Variants in USP22 observed in about 807,000 individuals in gnomAD.
USP22 encodes ubiquitin specific peptidase 22.
USP22 carries 22 observed loss-of-function variants against 68.1 expected under a neutral mutation model. The ratio of observed to expected loss-of-function variants is 0.32; its 90% CI spans 0.23 to 0.46. USP22 has a LOEUF of 0.46. Among genes scored for constraint, USP22 ranks in the 20% least tolerant of loss-of-function variants. The pLI, the probability that USP22 is intolerant of heterozygous loss-of-function variation, is 1.00. For missense variants in USP22, 433 were observed against 695.8 expected (o/e 0.62, Z 4.25); for synonymous variants, 279 against 274.2 (o/e 1.02, Z -0.17).
intron 8 of USP22, 36 bp downstream of exon 8, chr17:21,011,115 A>G: frequency 6.5e-7 from 1 of 1,549,356 alleles, no homozygotes; most frequent in East Asian, 2.3e-5. Context: ...TCTGGCCAGG[A>G]GACACGCCCC....
chr17:21,013,845 C>T (rs1359017283), intron 6 of USP22, among the ~76,000 whole-genome samples: 2 of 152,210 alleles, frequency 1.3e-5, no homozygotes, highest in East Asian at 3.9e-4. Context: ...GAGGCCAAGG[C>T]GGGCGGATCA....
chr17:21,029,451 A>G lies in USP22; in HGVS notation c.172-777T>C, dbSNP rs188643813. Among the ~76,000 whole-genome samples, 541 of 152,378 alleles carry G rather than the reference A, an allele frequency of 3.6e-3. 1 individual carries two copies. Among genetic ancestry groups the G allele is most frequent in the Middle Eastern group, 0.01 (3 of 294 alleles). On this transcript the variant is annotated intron_variant, in intron 1 of 12. Coordinates refer to ENST00000261497, the MANE Select transcript of USP22 (RefSeq NM_015276.2). ...AAAAAGAAATTAATACTATACAAACACAAAGTCTTCTTCGCAGGAGAATTC... is the reference window on the plus strand; with the variant it reads ...AAAAAGAAATTAATACTATACAAACGCAAAGTCTTCTTCGCAGGAGAATTC...
At chr17:21,014,003 G>C (rs1914053432) in intron 6 of USP22, among the ~76,000 whole-genome samples, 1 of 152,244 alleles carries the variant, frequency 6.6e-6, no homozygotes. Flanking sequence ...GAACCTGGGA[G>C]GCGGAGGTTG....
intron 1 of USP22, 81 bp from the exon 2 acceptor site, chr17:21,028,755 C>T (rs1229699099): frequency 1.3e-6 from 2 of 1,502,464 alleles, no homozygotes; most frequent in Non-Finnish European, 1.8e-6. Context: ...CAAAGCATCC[C>T]CCCGAGACAG....
intron 1 of USP22, among the ~76,000 whole-genome samples, chr17:21,031,104 TGTAG>T (rs1390480988): frequency 6.6e-6 from 1 of 152,230 alleles, no homozygotes; most frequent in Non-Finnish European, 1.5e-5. Flanking sequence ...TGCTATTTGT[TGTAG>T]GTTTCTTATT....
At chr17:21,035,449 G>A (rs1340774662) in intron 1 of USP22, among the ~76,000 whole-genome samples, 1 of 151,802 alleles carries the variant, frequency 6.6e-6, no homozygotes, top group Non-Finnish European at 1.5e-5. Context: ...AGGTGATCAA[G>A]TCTGTGTGCT....
In USP22 at chr17:21,004,944, G is replaced by A. The variant is rs1913733268; in HGVS notation, c.1369C>T (p.Leu457Phe). Residue 457 changes from leucine to phenylalanine, a missense_variant, in exon 11 of 13, where the codon CTC (leucine) becomes TTC (phenylalanine). Around this residue, in one of 4 missense-constraint regions of USP22, gnomAD observed 178 missense variants for 351.5 expected, o/e 0.51. Coordinates refer to ENST00000261497, the MANE Select transcript of USP22 (RefSeq NM_015276.2). ...ACCACTTACTTGTTGTCATTGTTGA[G>A]ACTGTCCGTGGGCTGCTGGTACTGT... ...NGQYQQPTDS[L>F]NNDNKYSLFA... The A allele has an allele frequency of 6.2e-7, 1 of 1,614,216 alleles. No homozygotes were observed. The highest frequency in any genetic ancestry group is 8.5e-7 in the Non-Finnish European group (1 of 1,180,032).
At position 21,001,498 on chromosome 17, in the gene USP22, A is replaced by G. The variant is rs1196172344; in HGVS notation, c.*1533T>C. ...TTCTTGACACAGAACAATATATGTC[A>G]TTCAGATTTCTGTGTCTAAAAGTTG... On this transcript the variant is annotated 3_prime_UTR_variant, in exon 13 of 13. Transcript: ENST00000261497. The G allele has an allele frequency of 1.3e-5, 2 of 152,236 alleles. No individual in the cohort carries two copies. The highest frequency in any genetic ancestry group is 4.8e-5 in the African/African-American group (2 of 41,470). 9.4% of individuals were successfully genotyped at this position (152,236 alleles called of 1,614,324 possible).
intron 11 of USP22, 147 bp from the exon 12 acceptor site, chr17:21,004,498 G>C (rs1913711402): frequency 9.6e-7 from 1 of 1,044,330 alleles, no homozygotes. Context: ...ATGCACAGGA[G>C]GCTGCAGGAA....
intron 1 of USP22, among the ~76,000 whole-genome samples, chr17:21,037,247 C>T (rs187578363): frequency 1.3e-5 from 2 of 152,136 alleles, no homozygotes; most frequent in Non-Finnish European, 2.9e-5. Flanking sequence ...CATAAACGTT[C>T]CAAATAATTT....
chr17:21,006,887 C>T lies in USP22; in HGVS notation c.1322+9G>A. Reference sequence around the variant, plus strand: ...TCAGGACACAGAACGGGCCTACAACCCCACATACCTGGAGGCCATGAAAGG... The same window carrying T: ...TCAGGACACAGAACGGGCCTACAACTCCACATACCTGGAGGCCATGAAAGG... On this transcript the variant is annotated intron_variant, in intron 10 of 12. Coordinates refer to ENST00000261497, the MANE Select transcript of USP22 (RefSeq NM_015276.2). 1 of 1,595,974 alleles carries T rather than the reference C, an allele frequency of 6.3e-7. No homozygotes were observed. The highest frequency in any genetic ancestry group is 8.5e-7 in the Non-Finnish European group (1 of 1,170,900).
At chr17:21,031,330 A>G (rs973136293) in intron 1 of USP22, among the ~76,000 whole-genome samples, 21 of 152,254 alleles carry the variant, frequency 1.4e-4, no homozygotes, top group Admixed American at 1.2e-3. Context: ...AGTACACAGC[A>G]ATGAAAAGGA....
intron 1 of USP22, among the ~76,000 whole-genome samples, chr17:21,037,584 G>A (rs1206893245): frequency 6.6e-6 from 1 of 152,100 alleles, no homozygotes; most frequent in Non-Finnish European, 1.5e-5. Flanking sequence ...TACATGACCG[G>A]GACTCCTCAA....
chr17:21,006,841 T>G (rs1913797598), intron 10 of USP22, 55 bp downstream of exon 10: 1 of 1,433,300 alleles, frequency 7.0e-7, no homozygotes, highest in African/African-American at 1.4e-5. Flanking sequence ...TGGATTCCTG[T>G]CCTGATAGGA....
intron 1 of USP22, 148 bp from the exon 2 acceptor site, chr17:21,028,822 A>G: frequency 1.9e-6 from 2 of 1,044,146 alleles, no homozygotes; most frequent in Non-Finnish European, 2.7e-6. Flanking sequence ...CTAGAGGATC[A>G]GTTTAATCCT....
At chr17:21,040,453 AG>A (rs1412241094) in intron 1 of USP22, among the ~76,000 whole-genome samples, 2 of 152,246 alleles carry the variant, frequency 1.3e-5, no homozygotes, top group Non-Finnish European at 2.9e-5. Flanking sequence ...GCACTGCAGC[AG>A]CCCCCACCTA....
Position 21,011,155 on chromosome 17 carries a change from G to A in USP22, c.1099C>T (p.Arg367Ter), listed in dbSNP as rs751417464. Reference sequence around the variant, plus strand: ...GTGTGGGTGCAGGCCTCTCACCGTCGCAGGCAGTCCGTGAGCGTGGTGGTT... The same window carrying A: ...GTGTGGGTGCAGGCCTCTCACCGTCACAGGCAGTCCGTGAGCGTGGTGGTT... The part of the protein sequence containing the change: ...SGTTTLTDCL[R>*]RFTRPEHLGS... Residue 367 changes from arginine (R) to a stop codon, truncating the protein, a stop_gained, in exon 8 of 13, where the codon CGA (arginine) becomes TGA (stop). Coordinates refer to ENST00000261497, the MANE Select transcript of USP22 (RefSeq NM_015276.2). LOFTEE classifies it high-confidence loss of function. The A allele has an allele frequency of 4.4e-6, 7 of 1,592,524 alleles. No homozygotes were observed. Among genetic ancestry groups the A allele is most frequent in the Non-Finnish European group, 6.0e-6 (7 of 1,168,118 alleles).
intron 9 of USP22, 132 bp from the exon 10 acceptor site, chr17:21,007,119 A>G (rs995792575): frequency 6.9e-6 from 5 of 720,498 alleles, no homozygotes; most frequent in African/African-American, 5.4e-5. Context: ...CCTTGTAGCT[A>G]CATCTAGAAT....
intron 10 of USP22, chr17:21,005,262 G>C: frequency 2.3e-6 from 1 of 435,608 alleles, no homozygotes; most frequent in Non-Finnish European, 4.1e-6. Flanking sequence ...CTGGTAATGG[G>C]AGCTGGATCT....
Sources: allele counts gnomAD v4.1 joint callset (sites outside exome capture counted in the v4.1 genomes callset), GRCh38; gene constraint gnomAD v4.1.1; regional missense constraint gnomAD v4.1.1; transcripts MANE v1.5; gene names NCBI Gene and HGNC (gene_info 2026-07-23, HGNC 2026-07-21).